Variants in TDRD9 observed in about 807,000 individuals in gnomAD.
The protein encoded by TDRD9 is tudor domain containing 9.
Under a neutral mutation model 172.6 loss-of-function variants are expected in TDRD9, and 124 were observed. That is an observed-to-expected ratio of 0.72 (90% confidence interval 0.62 to 0.83). The LOEUF (loss-of-function observed/expected upper bound fraction) is 0.83, where lower values mean the gene tolerates loss of function less well. TDRD9 is among the 40% of genes least tolerant of loss of function. The probability of loss-of-function intolerance (pLI) is 0.00; values close to 1 mark genes in which losing one functional copy is unlikely to be tolerated. For missense variants in TDRD9, 1,479 were observed against 1,714.1 expected, an observed-to-expected ratio of 0.86 and a Z score of 2.42; for synonymous variants, 619 against 617.1, an observed-to-expected ratio of 1.00 and a Z score of -0.05.
At chr14:104,018,918 C>T (rs539183039) in intron 23 of TDRD9, among the ~76,000 whole-genome samples, 1 of 152,256 alleles carries the variant, frequency 6.6e-6, no homozygotes, top group South Asian at 2.1e-4. Context: ...GTAATTCCCT[C>T]CGGCATTTTA....
At chr14:104,029,528 C>T (rs562015205) in intron 28 of TDRD9, among the ~76,000 whole-genome samples, 39 of 152,082 alleles carry the variant, frequency 2.6e-4, no homozygotes, top group Non-Finnish European at 4.9e-4. Context: ...ATTTCTGTAT[C>T]CTGCAACTTT....
intron 1 of TDRD9, among the ~76,000 whole-genome samples, chr14:103,937,198 C>T (rs752717209): frequency 7.0e-4 from 106 of 152,226 alleles, no homozygotes; most frequent in Non-Finnish European, 2.2e-4. Context: ...GATAAAATTT[C>T]ATCTGACTCT....
At chr14:103,969,670 G>A (rs1414401673) in intron 5 of TDRD9, among the ~76,000 whole-genome samples, 2 of 152,186 alleles carry the variant, frequency 1.3e-5, no homozygotes, top group Non-Finnish European at 2.9e-5. Context: ...TTGAAACTTA[G>A]TAATTATCTC....
rs142455392 is a variant in TDRD9, at chr14:103,998,671, A to G, written c.1426A>G (p.Asn476Asp). Reference protein sequence around the residue: ...TRTLVCDEDTNYQSLRLSWAS... With the variant: ...TRTLVCDEDTDYQSLRLSWAS... ...AACTTTGGTCTGTGATGAAGATACA[A>G]ATTATCAGAGTCTGCGATTGAGTTG... is the stretch of plus-strand genomic sequence containing the variant. Residue 476 changes from asparagine to aspartate, a missense_variant, in exon 13 of 36, where the codon AAT becomes GAT. By Grantham distance (23) the Asn-to-Asp change is conservative. Transcript: ENST00000409874. 5.6e-6 allele frequency: 9 copies of G among 1,611,946 alleles called. No homozygotes were observed. Among genetic ancestry groups the G allele is most frequent in the African/African-American group, 2.7e-5 (2 of 74,896 alleles).
intron 2 of TDRD9, among the ~76,000 whole-genome samples, chr14:103,956,481 C>T (rs911430905): frequency 6.6e-6 from 1 of 151,276 alleles, no homozygotes; most frequent in South Asian, 2.1e-4. Context: ...AATATAGTGG[C>T]GAATACAAAA....
chr14:103,937,542 C>T (rs1354690129), intron 1 of TDRD9, among the ~76,000 whole-genome samples: 1 of 152,176 alleles, frequency 6.6e-6, no homozygotes, highest in African/African-American at 2.4e-5. Context: ...ACTCCTGCCT[C>T]CATCCAGTCT....
chr14:104,024,675 A>G lies in TDRD9; in HGVS notation c.2713A>G (p.Thr905Ala). The change falls in exon 25 of 36, where the codon ACA becomes GCA. Residue 905 changes from threonine to alanine, a missense_variant. Thr to Ala is a moderately conservative substitution (Grantham distance 58). This residue lies in a region of TDRD9 where 1,413 missense variants were observed against 1,649.1 expected (regional missense o/e 0.86). Transcript: ENST00000409874. ...VTDLLLTIDV[T>A]EVVEVGHFWG... ...AGATCTCCTTCTAACTATTGATGTC[A>G]CAGAGGTAAGGATGAAGTAATTGAG... The G allele has an allele frequency of 2.4e-5, 38 of 1,585,356 alleles. No homozygotes were observed. Among genetic ancestry groups the G allele is most frequent in the Non-Finnish European group, 3.2e-5 (37 of 1,155,782 alleles).
At chr14:104,041,695 A>T (rs2035615745) in intron 33 of TDRD9, among the ~76,000 whole-genome samples, 1 of 152,192 alleles carries the variant, frequency 6.6e-6, no homozygotes, top group Admixed American at 6.5e-5. Context: ...CAGCAATGGC[A>T]AGGAGGTGGT....
chr14:104,016,032 G>A lies in TDRD9; in HGVS notation c.2275G>A (p.Asp759Asn). 6.2e-7 allele frequency: 1 copy of A among 1,603,882 alleles called. No homozygotes were observed. Among genetic ancestry groups the A allele is most frequent in the Non-Finnish European group, 8.5e-7 (1 of 1,175,618 alleles). ...AAATTACTTTACTTTTGGACAGCCG[G>A]ATGAGGAGATGGCGGTGAGGGAGCT... Reference protein sequence around the residue: ...YPNYFTFGQPDEEMAVRELAG... With the variant: ...YPNYFTFGQPNEEMAVRELAG... Residue 759 changes from aspartate to asparagine, a missense_variant, in exon 22 of 36, where the codon GAT becomes AAT. Asp to Asn is a conservative substitution (Grantham distance 23). This residue lies in a region of TDRD9 where 1,413 missense variants were observed against 1,649.1 expected (regional missense o/e 0.86). Coordinates refer to ENST00000409874, the MANE Select transcript of TDRD9 (RefSeq NM_153046.3).
chr14:103,970,496 G>A (rs2152154180), intron 5 of TDRD9, 45 bp from the exon 6 acceptor site: 2 of 1,424,364 alleles, frequency 1.4e-6, no homozygotes, highest in Non-Finnish European at 1.9e-6. Flanking sequence ...TGTCATGTGT[G>A]TTGCCTGATG....
intron 1 of TDRD9, among the ~76,000 whole-genome samples, chr14:103,942,664 G>A (rs960949273): frequency 6.6e-6 from 1 of 152,030 alleles, no homozygotes; most frequent in East Asian, 1.9e-4. Flanking sequence ...TTGGAAGCCG[G>A]GTCACTGTCC....
At position 104,025,647 on chromosome 14, in the gene TDRD9, C is replaced by T. The variant is rs373594772; in HGVS notation, c.2802C>T (p.Asn934=). Residue 934 remains asparagine, a synonymous_variant, in exon 26 of 36, where the codon AAC becomes AAT. Transcript: ENST00000409874. ...EILKKLTAEI[N]QLTLVPLPTH... Reference sequence around the variant, plus strand: ...TGAAAAAGCTTACTGCTGAAATCAACCAACTGACGCTGGTGCCCTTGCCCA... The same window carrying T: ...TGAAAAAGCTTACTGCTGAAATCAATCAACTGACGCTGGTGCCCTTGCCCA... The T allele has an allele frequency of 6.8e-6, 11 of 1,613,908 alleles. No homozygotes were observed. The highest frequency in any genetic ancestry group is 1.1e-5 in the South Asian group (1 of 91,090).
At chr14:103,957,033 A>C (rs899969366) in intron 2 of TDRD9, among the ~76,000 whole-genome samples, 11 of 152,248 alleles carry the variant, frequency 7.2e-5, no homozygotes, top group African/African-American at 2.2e-4. Flanking sequence ...CCTTTTAAAA[A>C]GTATGAAATA....
intron 6 of TDRD9, among the ~76,000 whole-genome samples, chr14:103,971,612 T>G (rs2033036314): frequency 6.6e-6 from 1 of 152,152 alleles, no homozygotes; most frequent in African/African-American, 2.4e-5. Flanking sequence ...CCGGGCTGAC[T>G]GTATTTTAAC....
rs1187077649 is a variant in TDRD9 at position 103,963,162 on chromosome 14, C to T, written c.406C>T (p.Arg136Ter). 11 of 1,546,436 alleles carry T rather than the reference C, an allele frequency of 7.1e-6. No individual in the cohort carries two copies. The highest frequency in any genetic ancestry group is 2.0e-5 in the Admixed American group (1 of 50,444). ...TYKYPDLPIS[R>*]YKEEVVSLIE... is the part of the protein sequence containing the mutation. ...TAAATATCCTGATTTGCCTATAAGT[C>T]GATACAAGGAAGAGGTAAAATTGTT... The change falls in exon 3 of 36, where the codon CGA becomes TGA. Residue 136 changes from arginine to a stop codon, truncating the protein, a stop_gained. Coordinates refer to ENST00000409874, the MANE Select transcript of TDRD9 (RefSeq NM_153046.3). LOFTEE classifies it high-confidence loss of function.
At chr14:104,030,089 A>G (rs2035236610) in intron 28 of TDRD9, among the ~76,000 whole-genome samples, 1 of 152,204 alleles carries the variant, frequency 6.6e-6, no homozygotes, top group Non-Finnish European at 1.5e-5. Context: ...AAAACACTTC[A>G]GGGAATTATG....
intron 20 of TDRD9, among the ~76,000 whole-genome samples, chr14:104,009,935 TTTTCTTTC>T (rs1029072852): frequency 6.6e-6 from 1 of 151,216 alleles, no homozygotes; most frequent in Non-Finnish European, 1.5e-5. Context: ...GTAATTTGTT[TTTTCTTTC>T]TTTCTTTTTT....
chr14:104,022,450 G>A (rs2034986058), intron 24 of TDRD9, 120 bp downstream of exon 24: 1 of 1,063,598 alleles, frequency 9.4e-7, no homozygotes, highest in Non-Finnish European at 1.3e-6. Flanking sequence ...TGGCTTGGCT[G>A]GGTGTGGGGG....
chr14:104,029,388 C>G (rs1279245727), intron 28 of TDRD9, among the ~76,000 whole-genome samples: 1 of 152,136 alleles, frequency 6.6e-6, no homozygotes, highest in Non-Finnish European at 1.5e-5. Flanking sequence ...TTATAGAGAT[C>G]ATTCACCTCC....
Sources: allele counts gnomAD v4.1 joint callset (sites outside exome capture counted in the v4.1 genomes callset), GRCh38; gene constraint gnomAD v4.1.1; regional missense constraint gnomAD v4.1.1; transcripts MANE v1.5; gene names NCBI Gene and HGNC (gene_info 2026-07-23, HGNC 2026-07-21).